Variants in DNAH10 observed in about 807,000 individuals in gnomAD.
DNAH10 encodes the protein dynein axonemal heavy chain 10, also known as axonemal beta dynein heavy chain 10.
A neutral mutation model predicts 506.6 loss-of-function variants in DNAH10; 348 were observed. The observed-to-expected ratio is 0.69, with a 90% confidence interval of 0.63 to 0.75. The LOEUF is 0.75. DNAH10 is among the 30% of genes least tolerant of loss of function. The pLI, the probability that DNAH10 is intolerant of heterozygous loss-of-function variation, is 0.00. For missense variants in DNAH10, 5,179 were observed against 5,787.1 expected, an observed-to-expected ratio of 0.89 and a Z score of 3.41; for synonymous variants, 2,059 against 2,198.6, an observed-to-expected ratio of 0.94 and a Z score of 1.78.
At chr12:123,890,178 G>A (rs78749219) in intron 52 of DNAH10, among the ~76,000 whole-genome samples, 1,822 of 152,294 alleles carry the variant, frequency 0.012, 37 homozygotes, top group African/African-American at 0.041. Flanking sequence ...GTTCTATGGC[G>A]TGGAACCTTG....
chr12:123,771,807 T>C (rs1957263670), intron 3 of DNAH10, 109 bp downstream of exon 3: 1 of 990,560 alleles, frequency 1.0e-6, no homozygotes, highest in African/African-American at 1.6e-5. Context: ...CATGTTGGAA[T>C]GGAAATTATA....
rs552252902 is a variant in DNAH10, at chr12:123,901,614, A to G, written c.9641-1325A>G. 3.3e-5 allele frequency among the ~76,000 whole-genome samples: 5 copies of G among 152,366 alleles called. No homozygotes were observed. The South Asian group carries it at 8.3e-4, about 25-fold the overall frequency. On this transcript the variant is annotated intron_variant, in intron 56 of 78. Coordinates refer to ENST00000673944, the MANE Select transcript of DNAH10 (RefSeq NM_001372106.1). ...CCCGGGGCTGCTCTAACAAAGCACC[A>G]TGATCTGGGGGCTGAAAACAACAGA...
chr12:123,887,574 T>A (rs1952793822), intron 52 of DNAH10, among the ~76,000 whole-genome samples: 1 of 152,046 alleles, frequency 6.6e-6, no homozygotes, highest in Non-Finnish European at 1.5e-5. Flanking sequence ...TGTCTGGGCA[T>A]CTGGCCGTGC....
chr12:123,916,402 T>G lies in DNAH10; in HGVS notation c.10723-55T>G, dbSNP rs1954479979. ...TTCCAAGCCATTCTCCCCTTATATT[T>G]GGCAGGGCCACAGTTAAACGTGGGC... On this transcript the variant is annotated intron_variant, in intron 62 of 78. Coordinates refer to ENST00000673944, the MANE Select transcript of DNAH10 (RefSeq NM_001372106.1). The surrounding 1 kb of genome is among the most constrained non-coding windows in gnomAD (Gnocchi z 4.6). 1.9e-6 allele frequency: 3 copies of G among 1,554,288 alleles called. No homozygotes were observed. In the South Asian group the frequency reaches 3.8e-5, roughly 20 times the overall value.
At position 123,820,621 on chromosome 12, in the gene DNAH10, C is replaced by A. The variant is rs766836323; in HGVS notation, c.4042C>A (p.His1348Asn). Residue 1348 changes from histidine to asparagine, a missense_variant, in exon 24 of 79, where the codon CAT becomes AAT. His to Asn is a moderately conservative substitution (Grantham distance 68, BLOSUM62 1). Coordinates refer to ENST00000673944, the MANE Select transcript of DNAH10 (RefSeq NM_001372106.1). ...LGVYERELAR[H>N]EKSRQELANA... ...TGTTTATGAAAGAGAGCTGGCAAGACATGAAAAGAGCCGTCAGGAACTGGC... is the reference window on the plus strand; with the variant it reads ...TGTTTATGAAAGAGAGCTGGCAAGAAATGAAAAGAGCCGTCAGGAACTGGC... The A allele has an allele frequency of 3.1e-6, 5 of 1,613,956 alleles. No homozygotes were observed. In the South Asian group the frequency reaches 4.4e-5, roughly 14 times the overall value.
intron 26 of DNAH10, 45 bp from the exon 27 acceptor site, chr12:123,833,069 T>C: frequency 6.7e-7 from 1 of 1,499,924 alleles, no homozygotes; most frequent in Non-Finnish European, 9.1e-7. Context: ...GGCTCGGTCC[T>C]TTCAGTTCGT....
chr12:123,770,173 G>A (rs376722748), intron 2 of DNAH10, among the ~76,000 whole-genome samples: 12 of 151,876 alleles, frequency 7.9e-5, no homozygotes, highest in African/African-American at 2.4e-4. Flanking sequence ...GCTTGAACTC[G>A]GGAGGCGGAG....
intron 43 of DNAH10, among the ~76,000 whole-genome samples, chr12:123,869,904 G>T (rs887149154): frequency 6.6e-6 from 1 of 152,162 alleles, no homozygotes; most frequent in East Asian, 1.9e-4. Flanking sequence ...CTGCCTTCCC[G>T]CATTGTCCGT....
At chr12:123,877,045 G>A (rs1350540067) in intron 47 of DNAH10, among the ~76,000 whole-genome samples, 3 of 152,180 alleles carry the variant, frequency 2.0e-5, no homozygotes, top group Admixed American at 6.5e-5. Flanking sequence ...TCACAGCGTT[G>A]TGCAACCATC....
intron 5 of DNAH10, among the ~76,000 whole-genome samples, chr12:123,777,137 C>T (rs1957471441): frequency 1.3e-5 from 2 of 152,156 alleles, no homozygotes; most frequent in South Asian, 4.1e-4. Flanking sequence ...AAAGATCCCT[C>T]AGTTTCTGTT....
chr12:123,883,674 A>G (rs1364289456), intron 51 of DNAH10, among the ~76,000 whole-genome samples: 1 of 152,206 alleles, frequency 6.6e-6, no homozygotes, highest in Non-Finnish European at 1.5e-5. Context: ...CTAAAATGCA[A>G]CTAGTACCTA....
intron 30 of DNAH10, among the ~76,000 whole-genome samples, 167 bp downstream of exon 30, chr12:123,841,712 A>G (rs1950782520): frequency 1.3e-5 from 2 of 152,128 alleles, no homozygotes; most frequent in African/African-American, 2.4e-5. Flanking sequence ...TTTTTGAGAC[A>G]GGATCTTGCT....
chr12:123,813,216 G>C lies in DNAH10; in HGVS notation c.3197G>C (p.Gly1066Ala). 6.2e-7 allele frequency: 1 copy of C among 1,613,896 alleles called. No individual in the cohort carries two copies. Among genetic ancestry groups the C allele is most frequent in the South Asian group, 1.1e-5 (1 of 91,050 alleles). ...GSCIECPPQK[G>A]EEEEVVIINF... ...TGCATAGAATGCCCACCTCAGAAGG[G>C]GGAGGAAGAGGAAGTTGTTATAATA... The change falls in exon 20 of 79, where the codon GGG becomes GCG. Residue 1066 changes from glycine (G) to alanine (A), a missense_variant. Transcript: ENST00000673944.
intron 16 of DNAH10, among the ~76,000 whole-genome samples, chr12:123,802,110 A>G (rs139223359): frequency 4.9e-4 from 74 of 152,330 alleles, no homozygotes; most frequent in African/African-American, 1.5e-3. Flanking sequence ...CACGGTATCA[A>G]TGTACCATAG....
rs1173982603 is a variant in DNAH10 at position 123,833,016 on chromosome 12, A to C, written c.4546-98A>C. 4 of 861,826 alleles carry C rather than the reference A, an allele frequency of 4.6e-6. No individual in the cohort carries two copies. In the African/African-American group the frequency reaches 6.8e-5, roughly 15 times the overall value. 53.4% of individuals were successfully genotyped at this position (861,826 alleles called of 1,614,324 possible). ...GAAACAGACCCAGGACTCCGATTGC[A>C]TTGTTGGCCAAAAGCAAGCTAAGGA... On this transcript the variant is annotated intron_variant, in intron 26 of 78. Transcript: ENST00000673944.
chr12:123,776,426 C>G (rs1465960219), intron 5 of DNAH10, among the ~76,000 whole-genome samples: 2 of 151,510 alleles, frequency 1.3e-5, no homozygotes, highest in African/African-American at 4.9e-5. Flanking sequence ...GGCCCCATCT[C>G]TAAAAAAAAA....
At chr12:123,887,485 C>A (rs1952789420) in intron 52 of DNAH10, among the ~76,000 whole-genome samples, 172 bp downstream of exon 52, 1 of 152,184 alleles carries the variant, frequency 6.6e-6, no homozygotes, top group African/African-American at 2.4e-5. Context: ...CTTGGCTCCT[C>A]CTGTCCTGGA....
At chr12:123,781,012 G>A in intron 5 of DNAH10, 68 bp from the exon 6 acceptor site, 2 of 1,213,228 alleles carry the variant, frequency 1.6e-6, no homozygotes, top group Admixed American at 2.7e-5. Context: ...CAAAACCAGA[G>A]GCAATTTGAA....
chr12:123,858,604 C>T (rs887856629), intron 37 of DNAH10, among the ~76,000 whole-genome samples: 8 of 152,122 alleles, frequency 5.3e-5, no homozygotes, highest in South Asian at 2.1e-4. Flanking sequence ...AGAATGAGGA[C>T]GAACGTCCGC....
Sources: gnomAD v4.1 joint callset for allele counts (sites outside exome capture counted in the v4.1 genomes callset) on GRCh38, gnomAD v4.1.1 for gene constraint, Gnocchi (gnomAD v3.1) non-coding constraint, MANE v1.5 for transcripts, NCBI Gene and HGNC (gene_info 2026-07-23, HGNC 2026-07-21) for gene names.